DEAF1: variants seen among roughly 807,000 people sequenced by gnomAD.
DEAF1 encodes the protein deformed epidermal autoregulatory factor 1 homolog.
DEAF1 carries 53 observed loss-of-function variants against 58.9 expected under a neutral mutation model. That is an observed-to-expected ratio of 0.90 (90% confidence interval 0.72 to 1.13). The LOEUF is 1.13. Ranked by LOEUF, DEAF1 falls within the 50% of genes most tolerant of loss-of-function variation. The pLI is 0.00. For synonymous variants in DEAF1, 385 were observed against 340.4 expected (o/e 1.13, Z -1.44); for missense variants, 685 against 791.4 (o/e 0.87, Z 1.61).
upstream of DEAF1, chr11:699,871 CCA>C: frequency 2.3e-6 from 1 of 443,542 alleles, no homozygotes; most frequent in Non-Finnish European, 4.0e-6. Context: ...CCAGTCCTGT[CCA>C]CAGTCAGGAG....
rs1285767482 is a variant in DEAF1, at chr11:644,425, A to G, written c.*125T>C. 2 of 753,382 alleles carry G rather than the reference A, an allele frequency of 2.7e-6. No individual in the cohort carries two copies. Among genetic ancestry groups the G allele is most frequent in the African/African-American group, 3.5e-5 (2 of 57,892 alleles). 46.7% of individuals were successfully genotyped at this position (753,382 alleles called of 1,614,324 possible). On this transcript the variant is annotated 3_prime_UTR_variant, in exon 12 of 12. Transcript: ENST00000382409. This position sits in a 1 kb window ranked among gnomAD's most constrained non-coding sequence, Gnocchi z 4.3. ...AAAGTGTGTTAATGACTTGTCCAGC[A>G]AGTTTCTTTACCTTCCCACACCCCT...
chr11:688,262 C>T lies in DEAF1; in HGVS notation c.517+69G>A, dbSNP rs771760261. ...CACAAAAAGAAACAAGTAAATAAATCCCTGAAATAAATTCTAGCTATTCTG... is the reference window on the plus strand; with the variant it reads ...CACAAAAAGAAACAAGTAAATAAATTCCTGAAATAAATTCTAGCTATTCTG... On this transcript the variant is annotated intron_variant, in intron 3 of 11. Coordinates refer to ENST00000382409, the MANE Select transcript of DEAF1 (RefSeq NM_021008.4). The surrounding 1 kb of genome is among the most constrained non-coding windows in gnomAD (Gnocchi z 4.3). 1.8e-5 allele frequency: 28 copies of T among 1,579,380 alleles called. No homozygotes were observed. The highest frequency in any genetic ancestry group is 2.4e-5 in the Non-Finnish European group (28 of 1,162,030).
chr11:662,257 T>C (rs1186744107), intron 10 of DEAF1, among the ~76,000 whole-genome samples: 2 of 152,198 alleles, frequency 1.3e-5, no homozygotes, highest in East Asian at 3.9e-4. Flanking sequence ...CACTCCAGCC[T>C]GGGCAACAGA....
intron 10 of DEAF1, among the ~76,000 whole-genome samples, chr11:670,734 CTTTAT>C (rs1334304327): frequency 1.4e-5 from 2 of 144,246 alleles, no homozygotes; most frequent in Non-Finnish European, 3.0e-5. Flanking sequence ...ATATCTTTTT[CTTTAT>C]TTTTTTCCTT....
chr11:686,127 TAAAA>T (rs56327668), intron 5 of DEAF1, among the ~76,000 whole-genome samples: 13 of 138,384 alleles, frequency 9.4e-5, no homozygotes, highest in Non-Finnish European at 9.3e-5. Context: ...TACTGAAAAT[TAAAA>T]AAAAAAAAAA....
intron 10 of DEAF1, among the ~76,000 whole-genome samples, chr11:667,284 T>A (rs181844162): frequency 6.6e-5 from 10 of 151,560 alleles, no homozygotes; most frequent in African/African-American, 2.4e-4. Flanking sequence ...ACAACACTGC[T>A]TCTTAGCCTC....
chr11:674,695 T>C lies in DEAF1; in HGVS notation c.1344A>G (p.Ser448=). ...PPALVNGLEL[S]EPRSWLYLEE... ...CTAGGTACAGCCAGCTCCGCGGCTC[T>C]GACAGCTCCAGCCCATTGACCAACG... The change falls in exon 10 of 12, where the codon TCA becomes TCG. Residue 448 remains serine, a synonymous_variant. Coordinates refer to ENST00000382409, the MANE Select transcript of DEAF1 (RefSeq NM_021008.4). 2.5e-6 allele frequency: 4 copies of C among 1,614,022 alleles called. No homozygotes were observed. The highest frequency in any genetic ancestry group is 3.4e-6 in the Non-Finnish European group (4 of 1,180,032).
Position 684,908 on chromosome 11 carries a change from T to C in DEAF1, c.860A>G (p.Asp287Gly). Residue 287 changes from aspartate (D) to glycine (G), a missense_variant, in exon 6 of 12, where the codon GAC (aspartate) becomes GGC (glycine). Physicochemically the swap from Asp to Gly is moderately conservative, Grantham distance 94. Transcript: ENST00000382409. The part of the protein sequence containing the change: ...ASCTCAACCD[D>G]MTLSGPVRLF... ...ACGCTGGCCACTTACTAAGGTCATGTCGTCGCAGCAGGCAGCACAGGTGCA... is the reference window on the plus strand; with the variant it reads ...ACGCTGGCCACTTACTAAGGTCATGCCGTCGCAGCAGGCAGCACAGGTGCA... 6.4e-7 allele frequency: 1 copy of C among 1,551,486 alleles called. No individual in the cohort carries two copies. The highest frequency in any genetic ancestry group is 1.2e-5 in the South Asian group (1 of 84,060).
upstream of DEAF1, among the ~76,000 whole-genome samples, chr11:696,647 G>A (rs1461625380): frequency 6.7e-6 from 1 of 149,110 alleles, no homozygotes; most frequent in Non-Finnish European, 1.5e-5. Context: ...ACCCCTGTGG[G>A]CCAAGCTATT....
At chr11:645,252 C>T (rs932119740) in intron 11 of DEAF1, among the ~76,000 whole-genome samples, 2 of 151,412 alleles carry the variant, frequency 1.3e-5, no homozygotes, top group Non-Finnish European at 2.9e-5. Context: ...AAAAATATCA[C>T]ACATGCAGAA....
In DEAF1 at chr11:687,972, A is replaced by G. The variant is rs773143432; in HGVS notation, c.603T>C (p.Ser201=). The change falls in exon 4 of 12, where the codon AGT becomes AGC. Residue 201 remains serine, a synonymous_variant. Coordinates refer to ENST00000382409, the MANE Select transcript of DEAF1 (RefSeq NM_021008.4). ...TGTTCCGGCACCGTACGGGCAGCTC[A>G]CTGTCGTACACAGAAGGGTCCCAGT... ...KYNWDPSVYD[S]ELPVRCRNIS... is the part of the protein sequence containing the mutation. The G allele has an allele frequency of 6.2e-7, 1 of 1,614,120 alleles. No individual in the cohort carries two copies. The highest frequency in any genetic ancestry group is 8.5e-7 in the Non-Finnish European group (1 of 1,180,042).
intron 11 of DEAF1, among the ~76,000 whole-genome samples, chr11:649,621 G>A (rs1209692505): frequency 6.6e-6 from 1 of 151,844 alleles, no homozygotes; most frequent in South Asian, 2.1e-4. Flanking sequence ...TCGGGAGAAT[G>A]AGGCACGAGA....
chr11:667,144 G>T (rs190414551), intron 10 of DEAF1, among the ~76,000 whole-genome samples: 3 of 152,096 alleles, frequency 2.0e-5, no homozygotes, highest in Non-Finnish European at 4.4e-5. Flanking sequence ...CGGCCAGCCT[G>T]GGCATCATGG....
intron 11 of DEAF1, among the ~76,000 whole-genome samples, chr11:647,058 C>CA (rs1168616144): frequency 6.6e-6 from 1 of 152,062 alleles, no homozygotes; most frequent in Admixed American, 6.6e-5. Context: ...ACTTGGGAGA[C>CA]AGAGGCAGGA....
upstream of DEAF1, among the ~76,000 whole-genome samples, chr11:698,679 C>G (rs1861308129): frequency 6.6e-6 from 1 of 152,150 alleles, no homozygotes. Flanking sequence ...AGACTCCTAG[C>G]CTCATTGAAG....
chr11:675,867 T>TA (rs1300552704), intron 9 of DEAF1, among the ~76,000 whole-genome samples: 2 of 151,254 alleles, frequency 1.3e-5, no homozygotes, highest in Non-Finnish European at 2.9e-5. Context: ...GGAAGTCGGG[T>TA]AAAAAACTGA....
chr11:696,682 C>T (rs914271305), upstream of DEAF1, among the ~76,000 whole-genome samples: 9 of 132,740 alleles, frequency 6.8e-5, no homozygotes, highest in Non-Finnish European at 1.3e-4. Context: ...TGGCGGATCA[C>T]TTGAGCCCAG....
At chr11:663,124 C>T (rs1859386306) in intron 10 of DEAF1, among the ~76,000 whole-genome samples, 1 of 152,166 alleles carries the variant, frequency 6.6e-6, no homozygotes, top group South Asian at 2.1e-4. Flanking sequence ...CCAGCCTCGG[C>T]AACAAAACAA....
At chr11:689,967 T>C (rs1860756972) in intron 2 of DEAF1, among the ~76,000 whole-genome samples, 1 of 151,904 alleles carries the variant, frequency 6.6e-6, no homozygotes, top group African/African-American at 2.4e-5. Context: ...GCAGCCTGAC[T>C]GAAAACACAG....
Sources: allele counts gnomAD v4.1 joint callset (sites outside exome capture counted in the v4.1 genomes callset), GRCh38; gene constraint gnomAD v4.1.1; non-coding constraint Gnocchi (gnomAD v3.1); transcripts MANE v1.5; gene names NCBI Gene and HGNC (gene_info 2026-07-23, HGNC 2026-07-21).